The following PLXNA2 variants were observed in gnomAD, a reference collection of about 807,000 sequenced individuals.
PLXNA2 encodes plexin A2.
In PLXNA2, 91 loss-of-function variants were observed where a neutral mutation model predicts 193.5. That is an observed-to-expected ratio of 0.47 (90% CI 0.40 to 0.56). The LOEUF is 0.56. Ranked by LOEUF, PLXNA2 falls within the 20% of genes least tolerant of loss-of-function variation. The pLI is 0.00. For missense variants in PLXNA2, 1,995 were observed against 2,503.2 expected (o/e 0.80, Z 4.33); for synonymous variants, 997 against 1,027.3 (o/e 0.97, Z 0.56).
intron 1 of PLXNA2, among the ~76,000 whole-genome samples, chr1:208,231,859 C>T (rs974987822): frequency 3.9e-5 from 6 of 152,200 alleles, no homozygotes; most frequent in Non-Finnish European, 7.3e-5. Flanking sequence ...TGCTGCCTGA[C>T]GTTGCAGATG....
intron 4 of PLXNA2, among the ~76,000 whole-genome samples, chr1:208,114,464 G>C (rs888790910): frequency 6.6e-6 from 1 of 152,232 alleles, no homozygotes; most frequent in African/African-American, 2.4e-5. Context: ...ATGTACACAA[G>C]GAAGCAGGGA....
At chr1:208,170,618 T>C (rs772780536) in intron 3 of PLXNA2, among the ~76,000 whole-genome samples, 22 of 152,200 alleles carry the variant, frequency 1.4e-4, no homozygotes, top group Non-Finnish European at 2.1e-4. Flanking sequence ...ATGAATCCGA[T>C]GTGATCAAAG....
At chr1:208,098,770 A>G in intron 6 of PLXNA2, 76 bp downstream of exon 6, 1 of 1,508,152 alleles carries the variant, frequency 6.6e-7, no homozygotes, top group Non-Finnish European at 9.1e-7. Flanking sequence ...ATACTTGTGC[A>G]AGCGTGAATG....
At chr1:208,182,432 C>T (rs914427728) in intron 3 of PLXNA2, among the ~76,000 whole-genome samples, 13 of 151,582 alleles carry the variant, frequency 8.6e-5, no homozygotes, top group Admixed American at 5.3e-4. Context: ...TACTTTGTCT[C>T]AGAAAAGAAA....
At chr1:208,171,270 G>C (rs1362320586) in intron 3 of PLXNA2, among the ~76,000 whole-genome samples, 1 of 152,184 alleles carries the variant, frequency 6.6e-6, no homozygotes, top group East Asian at 1.9e-4. Flanking sequence ...GGGAAGGGCT[G>C]GGGTACTTTC....
At chr1:208,204,067 T>G (rs1670639958) in intron 3 of PLXNA2, among the ~76,000 whole-genome samples, 1 of 152,184 alleles carries the variant, frequency 6.6e-6, no homozygotes, top group Non-Finnish European at 1.5e-5. Flanking sequence ...ACTGGAGACC[T>G]TGGGTTGGTA....
intron 12 of PLXNA2, among the ~76,000 whole-genome samples, chr1:208,061,659 A>C (rs1255106401): frequency 1.3e-5 from 2 of 152,204 alleles, no homozygotes; most frequent in African/African-American, 2.4e-5. Context: ...TTATTTATTC[A>C]TTCCTTAATT....
chr1:208,216,525 T>TG (rs1477594514), intron 2 of PLXNA2, among the ~76,000 whole-genome samples: 16 of 152,344 alleles, frequency 1.1e-4, no homozygotes, highest in African/African-American at 3.8e-4. Context: ...ATACATATAT[T>TG]TGAAATGACA....
chr1:208,210,422 T>C lies in PLXNA2; in HGVS notation c.1229A>G (p.Asn410Ser). 1.2e-6 allele frequency: 2 copies of C among 1,613,852 alleles called. No homozygotes were observed. The highest frequency in any genetic ancestry group is 1.7e-6 in the Non-Finnish European group (2 of 1,179,930). ...TGGAGTTGAGCCTCCCAGGGGCTGG[T>C]TGATGTCCAGTCCACAGAAGTTATC... ...IDDNFCGLDINQPLGGSTPVE... is the reference protein window; with the variant it reads ...IDDNFCGLDISQPLGGSTPVE... The change falls in exon 3 of 32, where the codon AAC (asparagine) becomes AGC (serine). Residue 410 changes from asparagine to serine, a missense_variant. By Grantham distance (46) the Asn-to-Ser change is conservative (BLOSUM62 1). This residue lies in a region of PLXNA2 where 702 missense variants were observed against 812.9 expected (regional missense o/e 0.86). Coordinates refer to ENST00000367033, the MANE Select transcript of PLXNA2 (RefSeq NM_025179.4).
chr1:208,051,925 G>C (rs1384478235), intron 15 of PLXNA2, among the ~76,000 whole-genome samples: 1 of 152,174 alleles, frequency 6.6e-6, no homozygotes, highest in African/African-American at 2.4e-5. Flanking sequence ...CAAATGGTAG[G>C]TGTTCAATTT....
intron 6 of PLXNA2, 142 bp downstream of exon 6, chr1:208,098,704 C>T (rs377482177): frequency 2.8e-5 from 25 of 902,476 alleles, no homozygotes; most frequent in African/African-American, 1.2e-4. Flanking sequence ...CATTGCCATA[C>T]GTTTGCTATA....
At chr1:208,116,743 C>T (rs1400243548) in intron 4 of PLXNA2, among the ~76,000 whole-genome samples, 1 of 152,136 alleles carries the variant, frequency 6.6e-6, no homozygotes, top group East Asian at 1.9e-4. Flanking sequence ...CACGAAGGCA[C>T]CATGATACAA....
chr1:208,206,275 T>C (rs1670719257), intron 3 of PLXNA2, among the ~76,000 whole-genome samples: 1 of 152,250 alleles, frequency 6.6e-6, no homozygotes, highest in African/African-American at 2.4e-5. Context: ...CAAGGTAAAG[T>C]GGAGTCACTG....
At chr1:208,159,219 C>G (rs1669029597) in intron 3 of PLXNA2, among the ~76,000 whole-genome samples, 1 of 152,194 alleles carries the variant, frequency 6.6e-6, no homozygotes, top group African/African-American at 2.4e-5. Flanking sequence ...CAATGTTGTC[C>G]TTTGTCCATC....
intron 3 of PLXNA2, among the ~76,000 whole-genome samples, chr1:208,144,416 C>T (rs542132964): frequency 6.6e-6 from 1 of 152,268 alleles, no homozygotes; most frequent in Admixed American, 6.5e-5. Context: ...TTGGTCTGTA[C>T]CTGTTGGGTT....
intron 5 of PLXNA2, among the ~76,000 whole-genome samples, chr1:208,102,023 T>G (rs1338814770): frequency 6.6e-6 from 1 of 152,236 alleles, no homozygotes; most frequent in African/African-American, 2.4e-5. Flanking sequence ...TCTTTACCAC[T>G]TGTCTGACCT....
At chr1:208,237,704 T>A (rs752727892) in intron 1 of PLXNA2, among the ~76,000 whole-genome samples, 1 of 152,092 alleles carries the variant, frequency 6.6e-6, no homozygotes, top group African/African-American at 2.4e-5. Flanking sequence ...TCACCTCCCA[T>A]GACTTAAAGC....
chr1:208,109,845 C>G (rs981560216), intron 4 of PLXNA2, among the ~76,000 whole-genome samples: 2 of 152,240 alleles, frequency 1.3e-5, no homozygotes, highest in African/African-American at 4.8e-5. Context: ...AGGCTTGAAG[C>G]AACCTGAAGG....
At chr1:208,187,454 C>CA (rs1670045107) in intron 3 of PLXNA2, among the ~76,000 whole-genome samples, 1 of 152,208 alleles carries the variant, frequency 6.6e-6, no homozygotes, top group South Asian at 2.1e-4. Context: ...GCAGGAGCAA[C>CA]AGCCTGAACA....
Sources: gnomAD v4.1 joint callset for allele counts (sites outside exome capture counted in the v4.1 genomes callset) on GRCh38, gnomAD v4.1.1 for gene constraint, gnomAD v4.1.1 regional missense constraint, MANE v1.5 for transcripts, NCBI Gene and HGNC (gene_info 2026-07-23, HGNC 2026-07-21) for gene names.